The following ARGFX variants were observed in gnomAD, a reference collection of about 807,000 sequenced individuals.
ARGFX encodes the protein arginine-fifty homeobox.
ARGFX carries 10 observed loss-of-function variants against 8.0 expected under a neutral mutation model. The observed-to-expected ratio is 1.25, with a 90% CI of 0.77 to 2.12. The LOEUF (loss-of-function observed/expected upper bound fraction) is 2.12. Ranked by LOEUF, ARGFX falls within the 30% of genes most tolerant of loss-of-function variation. The pLI is 0.00. For synonymous variants in ARGFX, 116 were observed against 117.8 expected (o/e 0.98, Z 0.10); for missense variants, 282 against 324.3 (o/e 0.87, Z 1.00).
intron 3 of ARGFX, among the ~76,000 whole-genome samples, chr3:121,583,264 A>C (rs2048790887): frequency 6.6e-6 from 1 of 151,592 alleles, no homozygotes; most frequent in Non-Finnish European, 1.5e-5. Context: ...TCCTGACTTC[A>C]AGTGATTCAC....
At chr3:121,576,695 CTCTTTCTTTCTTTTTCTTTCTTTCTT>C (rs2048738113) in intron 2 of ARGFX, 63 bp from the exon 3 acceptor site, 2 of 253,952 alleles carry the variant, frequency 7.9e-6, no homozygotes, top group African/African-American at 4.2e-5. Context: ...TTCTTTCTTT[CTCTTTCTTTCTTTTTCTTTCTTTCTT>C]TCTTTCTTTC....
intron 3 of ARGFX, among the ~76,000 whole-genome samples, chr3:121,577,474 G>A (rs1488487674): frequency 6.6e-6 from 1 of 150,984 alleles, no homozygotes; most frequent in East Asian, 2.0e-4. Context: ...GGCTGGTCTT[G>A]AACTCGTGAC....
At chr3:121,581,015 T>C (rs1193751367) in intron 3 of ARGFX, among the ~76,000 whole-genome samples, 1 of 152,128 alleles carries the variant, frequency 6.6e-6, no homozygotes, top group Non-Finnish European at 1.5e-5. Context: ...AGTCTCGCTC[T>C]GTTGCCCAGG....
At chr3:121,584,196 CAGAG>C (rs1293367264) in intron 3 of ARGFX, among the ~76,000 whole-genome samples, 1 of 96,636 alleles carries the variant, frequency 1.0e-5, no homozygotes, top group Non-Finnish European at 2.0e-5. Context: ...GAGAGAGAGA[CAGAG>C]AGAGAGGAAG....
Position 121,586,429 on chromosome 3 carries a change from C to T in ARGFX, c.777C>T (p.Tyr259=). The change falls in exon 5 of 5, where the codon TAC becomes TAT. Residue 259 remains tyrosine, a synonymous_variant. Transcript: ENST00000334384. ...CLYQYLSPTK[Y]QVGGQGSSLS... is the part of the protein sequence containing the mutation. Reference sequence around the variant, plus strand: ...ATCAGTATCTCTCACCCACAAAGTACCAGGTAGGAGGACAGGGTTCCTCTC... The same window carrying T: ...ATCAGTATCTCTCACCCACAAAGTATCAGGTAGGAGGACAGGGTTCCTCTC... The T allele has an allele frequency of 6.2e-7, 1 of 1,614,172 alleles. No homozygotes were observed. The highest frequency in any genetic ancestry group is 8.5e-7 in the Non-Finnish European group (1 of 1,180,042).
Position 121,577,226 on chromosome 3 carries a change from C to CAT in ARGFX, c.220+359_220+360dup, listed in dbSNP as rs71133554. 5.0e-3 allele frequency among the ~76,000 whole-genome samples: 433 copies of CAT among 87,098 alleles called. 4 individuals carry two copies. The highest frequency in any genetic ancestry group is 0.01 in the African/African-American group (206 of 19,960). The allele number at this position is 87,098 out of a possible 152,430, so 57.1% of individuals were successfully genotyped here. On this transcript the variant is annotated intron_variant, in intron 3 of 4. Coordinates refer to ENST00000334384, the MANE Select transcript of ARGFX (RefSeq NM_001012659.2). ...GTATATATATATATATCTACATGTA[C>CAT]ATATATATATATATATATATATATA...
chr3:121,580,737 T>G (rs2048774220), intron 3 of ARGFX, among the ~76,000 whole-genome samples: 1 of 151,288 alleles, frequency 6.6e-6, no homozygotes, highest in South Asian at 2.1e-4. Flanking sequence ...CCTGAGTAGC[T>G]GGGATTACAG....
At position 121,586,954 on chromosome 3, in the gene ARGFX, G is replaced by A. The variant is rs185446877; in HGVS notation, c.*354G>A. ...ACCCAGGCTGGAATACAGTGGTACA[G>A]TCACGGCTCACAAAAGCCTTGACCT... On this transcript the variant is annotated 3_prime_UTR_variant, in exon 5 of 5. Transcript: ENST00000334384. Among the ~76,000 whole-genome samples, 88 of 152,162 alleles carry A rather than the reference G, an allele frequency of 5.8e-4. No individual in the cohort carries two copies. Among genetic ancestry groups the A allele is most frequent in the Non-Finnish European group, 9.4e-4 (64 of 67,976 alleles).
At chr3:121,570,315 C>CT (rs1327696621) in intron 1 of ARGFX, among the ~76,000 whole-genome samples, 3 of 152,176 alleles carry the variant, frequency 2.0e-5, no homozygotes, top group Admixed American at 2.0e-4. Context: ...AAAAAACAAT[C>CT]TAAGTTGACA....
chr3:121,590,159 A>G lies in ARGFX; in HGVS notation c.*3559A>G, dbSNP rs1245740012. 6.6e-6 allele frequency among the ~76,000 whole-genome samples: 1 copy of G among 152,244 alleles called. No individual in the cohort carries two copies. The highest frequency in any genetic ancestry group is 1.5e-5 in the Non-Finnish European group (1 of 68,034). On this transcript the variant is annotated 3_prime_UTR_variant, in exon 5 of 5. Transcript: ENST00000334384. ...ATGAACAATTGAATGCCAACAAATT[A>G]GATAAATGAAATGGACAAATTCCTA...
intron 3 of ARGFX, among the ~76,000 whole-genome samples, chr3:121,577,250 T>TCTACATGTAC (rs2048746409): frequency 3.6e-5 from 2 of 55,304 alleles, no homozygotes; most frequent in African/African-American, 7.1e-5. Flanking sequence ...TATATATATA[T>TCTACATGTAC]ATATATATAT....
intron 4 of ARGFX, among the ~76,000 whole-genome samples, chr3:121,585,270 C>A (rs894118768): frequency 2.0e-5 from 3 of 152,080 alleles, no homozygotes; most frequent in Non-Finnish European, 4.4e-5. Flanking sequence ...GGTTCAGAGG[C>A]AAAGTGACTG....
chr3:121,580,852 T>C (rs1315961206), intron 3 of ARGFX, among the ~76,000 whole-genome samples: 3 of 152,024 alleles, frequency 2.0e-5, no homozygotes, highest in Non-Finnish European at 4.4e-5. Context: ...GATTCAAAAG[T>C]ATGTAAAAAG....
Position 121,570,804 on chromosome 3 carries a change from C to T in ARGFX, c.91C>T (p.Pro31Ser), listed in dbSNP as rs1438154814. The T allele has an allele frequency of 6.2e-7, 1 of 1,600,202 alleles. No homozygotes were observed. The highest frequency in any genetic ancestry group is 8.5e-7 in the Non-Finnish European group (1 of 1,173,266). The change falls in exon 2 of 5, where the codon CCA (proline) becomes TCA (serine). Residue 31 changes from proline (P) to serine (S), a missense_variant. By Grantham distance (74) the Pro-to-Ser change is moderately conservative. Coordinates refer to ENST00000334384, the MANE Select transcript of ARGFX (RefSeq NM_001012659.2). ...CATGAAGGTGATACCACCACAGGAT[C>T]CAGCTAGTCCCAGTGAGTATCATCC... ...SNMKVIPPQDPASPSFTLLSK... is the reference protein window; with the variant it reads ...SNMKVIPPQDSASPSFTLLSK...
At chr3:121,572,573 A>G (rs1042995435) in intron 2 of ARGFX, among the ~76,000 whole-genome samples, 2 of 152,100 alleles carry the variant, frequency 1.3e-5, no homozygotes, top group Non-Finnish European at 2.9e-5. Flanking sequence ...ATGTGTCAAT[A>G]CTACCTAAGC....
At chr3:121,577,187 ATG>A (rs1363150959) in intron 3 of ARGFX, among the ~76,000 whole-genome samples, 125 of 127,992 alleles carry the variant, frequency 9.8e-4, no homozygotes, top group African/African-American at 3.3e-3. Context: ...TTGTGTATAT[ATG>A]TATGTGTGTA....
At chr3:121,574,063 T>C (rs557783579) in intron 2 of ARGFX, among the ~76,000 whole-genome samples, 3 of 152,124 alleles carry the variant, frequency 2.0e-5, no homozygotes, top group Non-Finnish European at 2.9e-5. Flanking sequence ...TTTGCAGGAA[T>C]GTAAAATGGC....
rs556616116 is a variant in ARGFX, at chr3:121,588,491, A to AT, written c.*1891_*1892insT. 1.6e-3 allele frequency among the ~76,000 whole-genome samples: 235 copies of AT among 150,218 alleles called. 1 individual carries two copies. Among genetic ancestry groups the AT allele is most frequent in the African/African-American group, 5.1e-3 (211 of 41,256 alleles). On this transcript the variant is annotated 3_prime_UTR_variant, in exon 5 of 5. Transcript: ENST00000334384. ...AGACTCTGTCTCAAAAAAAAAATAA[A>AT]AAATAAAAAATAAAAAATAAAAGAA...
rs1235069957 is a variant in ARGFX, at chr3:121,588,006, G to T, written c.*1406G>T. Reference sequence around the variant, plus strand: ...TACAATGGTCCAGACATAATAAGAGGTGTAAAAACTATCACAGGAAGAAAT... The same window carrying T: ...TACAATGGTCCAGACATAATAAGAGTTGTAAAAACTATCACAGGAAGAAAT... On this transcript the variant is annotated 3_prime_UTR_variant, in exon 5 of 5. Transcript: ENST00000334384. 2.6e-5 allele frequency among the ~76,000 whole-genome samples: 4 copies of T among 151,710 alleles called. No individual in the cohort carries two copies.
Sources: allele counts gnomAD v4.1 joint callset (sites outside exome capture counted in the v4.1 genomes callset), GRCh38; gene constraint gnomAD v4.1.1; transcripts MANE v1.5; gene names NCBI Gene and HGNC (gene_info 2026-07-23, HGNC 2026-07-21).